The following DPAGT1 variants were observed in gnomAD, a reference collection of about 807,000 sequenced individuals.
DPAGT1 encodes the protein UDP-N-acetylglucosamine--dolichyl-phosphate N-acetylglucosaminephosphotransferase.
In DPAGT1, 25 loss-of-function variants were observed where a neutral mutation model predicts 39.3. The observed-to-expected ratio is 0.64, with a 90% CI of 0.46 to 0.89. The LOEUF (loss-of-function observed/expected upper bound fraction) is 0.89. DPAGT1 is among the 40% of genes least tolerant of loss of function. The pLI is 0.00. For synonymous variants in DPAGT1, 193 were observed against 201.4 expected (o/e 0.96, Z 0.36); for missense variants, 381 against 500.6 (o/e 0.76, Z 2.28).
At position 119,097,615 on chromosome 11, in the gene DPAGT1, TA is replaced by T. The variant is rs1346793915; in HGVS notation, c.918-65del. ...TTTGAACCCTCCTCCCTGTGGCTAA[TA>T]GGAAGAGCATTGAATGTGGAGTCAA... On this transcript the variant is annotated intron_variant, in intron 6 of 8. Coordinates refer to ENST00000354202, the MANE Select transcript of DPAGT1 (RefSeq NM_001382.4). The surrounding 1 kb of genome is among the most constrained non-coding windows in gnomAD (Gnocchi z 4.6). 3.2e-6 allele frequency: 5 copies of T among 1,577,006 alleles called. No individual in the cohort carries two copies. Among genetic ancestry groups the T allele is most frequent in the Non-Finnish European group, 4.4e-6 (5 of 1,146,732 alleles).
intron 3 of DPAGT1, 107 bp downstream of exon 3, chr11:119,100,523 T>A (rs1260292266): frequency 6.3e-7 from 1 of 1,599,360 alleles, no homozygotes; most frequent in Non-Finnish European, 8.6e-7. Context: ...AGAAAGGATC[T>A]GGGAAGACAC....
At chr11:119,095,236 C>T (rs375920693), downstream of DPAGT1, 106 of 1,613,732 alleles carry the variant, frequency 6.6e-5, no homozygotes, top group Non-Finnish European at 8.5e-5. Context: ...CCAGCACTGC[C>T]GCCAGGTACA....
At chr11:119,095,220 G>C, downstream of DPAGT1, 2 of 1,613,970 alleles carry the variant, frequency 1.2e-6, no homozygotes, top group Non-Finnish European at 1.7e-6. Context: ...TCAGCGGTGA[G>C]GTACTCCAGC....
downstream of DPAGT1, among the ~76,000 whole-genome samples, chr11:119,095,949 TTTTC>T (rs781301397): frequency 2.2e-4 from 33 of 152,070 alleles, no homozygotes; most frequent in African/African-American, 6.8e-4. Context: ...CCCTTAAAAG[TTTTC>T]TTTTTTTTCT....
In DPAGT1 at chr11:119,097,561, G is replaced by T. The variant is rs764154648; in HGVS notation, c.918-10C>A. 1.2e-6 allele frequency: 2 copies of T among 1,614,104 alleles called. No homozygotes were observed. Among genetic ancestry groups the T allele is most frequent in the Non-Finnish European group, 8.5e-7 (1 of 1,179,982 alleles). On this transcript the variant is annotated splice_polypyrimidine_tract_variant and intron_variant, in intron 6 of 8. Coordinates refer to ENST00000354202, the MANE Select transcript of DPAGT1 (RefSeq NM_001382.4). This position sits in a 1 kb window ranked among gnomAD's most constrained non-coding sequence, Gnocchi z 4.6. ...TGTCTTGATATTGAGTCTGCGGGGG[G>T]AAGATAGCTTCATGTGACTGGGCCA...
rs987583485 is a variant in DPAGT1 at position 119,097,661 on chromosome 11, T to C, written c.918-110A>G. On this transcript the variant is annotated intron_variant, in intron 6 of 8. Transcript: ENST00000354202. This position sits in a 1 kb window ranked among gnomAD's most constrained non-coding sequence, Gnocchi z 4.6. ...AGTCAACCTGAGATCTATTTCTGGCTCTGCTGCTTACTGTTATCAGAACCA... is the reference window on the plus strand; with the variant it reads ...AGTCAACCTGAGATCTATTTCTGGCCCTGCTGCTTACTGTTATCAGAACCA... 7 of 1,456,252 alleles carry C rather than the reference T, an allele frequency of 4.8e-6. No homozygotes were observed. The African/African-American group carries it at 9.8e-5, about 20-fold the overall frequency. 90.2% of individuals were successfully genotyped at this position (1,456,252 alleles called of 1,614,324 possible). A position where few individuals can be genotyped will look rare whatever the true frequency, so the allele number is the denominator to read the frequency against.
intron 4 of DPAGT1, 147 bp downstream of exon 4, chr11:119,100,115 G>A: frequency 7.8e-7 from 1 of 1,286,350 alleles, no homozygotes; most frequent in Non-Finnish European, 1.1e-6. Flanking sequence ...TAATAAATCT[G>A]CATTGTTATT....
intron 4 of DPAGT1, among the ~76,000 whole-genome samples, chr11:119,099,738 G>A (rs1464305522): frequency 7.2e-6 from 1 of 138,016 alleles, no homozygotes; most frequent in East Asian, 2.1e-4. Context: ...CTAAGATCGC[G>A]CCACTGCTCT....
At chr11:119,095,674 C>A (rs559985951), downstream of DPAGT1, among the ~76,000 whole-genome samples, 1 of 152,304 alleles carries the variant, frequency 6.6e-6, no homozygotes, top group Admixed American at 6.5e-5. Flanking sequence ...GGGTAGCACG[C>A]AGACTGCCAA....
chr11:119,097,002 A>C lies in DPAGT1; in HGVS notation c.1223T>G (p.Val408Gly), dbSNP rs1946405085. Residue 408 changes from valine (V) to glycine (G), a missense_variant, in exon 9 of 9, where the codon GTC becomes GGC. Transcript: ENST00000354202. The surrounding 1 kb of genome is among the most constrained non-coding windows in gnomAD (Gnocchi z 4.6). ...AAAGGACAATGATCAAGGGACTCAG[A>C]CATCATAGAAGAGTCGAACGAGCTG... ...RYQLVRLFYDV is the reference protein window; with the variant it reads ...RYQLVRLFYDG The C allele has an allele frequency of 6.2e-7, 1 of 1,614,196 alleles. No individual in the cohort carries two copies. Among genetic ancestry groups the C allele is most frequent in the Non-Finnish European group, 8.5e-7 (1 of 1,180,032 alleles).
Position 119,100,631 on chromosome 11 carries a change from C to T in DPAGT1, c.495G>A (p.Leu165=), listed in dbSNP as rs373632825. The T allele has an allele frequency of 3.6e-5, 58 of 1,613,884 alleles. No individual in the cohort carries two copies. Among genetic ancestry groups the T allele is most frequent in the Non-Finnish European group, 4.7e-5 (56 of 1,179,986 alleles). Residue 165 remains leucine, a splice_region_variant and synonymous_variant, in exon 3 of 9, where the codon TTG becomes TTA. Coordinates refer to ENST00000354202, the MANE Select transcript of DPAGT1 (RefSeq NM_001382.4). Reference sequence around the variant, plus strand: ...GGCAGCAGTGGTAGGACTACCTACCCAAGTCCAGATGCAGGCCAAGTATCG... The same window carrying T: ...GGCAGCAGTGGTAGGACTACCTACCTAAGTCCAGATGCAGGCCAAGTATCG... ...FRPILGLHLD[L]GILYYVYMGL...
Position 119,101,178 on chromosome 11 carries a change from G to A in DPAGT1, c.162-40C>T, listed in dbSNP as rs778143056. On this transcript the variant is annotated intron_variant, in intron 1 of 8. Transcript: ENST00000354202. ...CAAGGGGGCGAGGGGGAAGAGGAAA[G>A]GGGGCGTGGTCACTCACTAGTGCAG... The A allele has an allele frequency of 4.3e-6, 7 of 1,612,792 alleles. No individual in the cohort carries two copies. The African/African-American group carries it at 8.0e-5, about 18-fold the overall frequency.
downstream of DPAGT1, chr11:119,094,950 G>A (rs762861943): frequency 1.3e-6 from 2 of 1,586,116 alleles, no homozygotes; most frequent in Admixed American, 1.9e-5. Context: ...GGCCGGCCGC[G>A]GCGCGGGCCC....
chr11:119,100,184 C>A, intron 4 of DPAGT1, 78 bp downstream of exon 4: 1 of 1,607,224 alleles, frequency 6.2e-7, no homozygotes, highest in South Asian at 1.1e-5. Context: ...CTTTTTTCCC[C>A]TGAATTTCCC....
downstream of DPAGT1, chr11:119,095,281 G>T: frequency 6.2e-7 from 1 of 1,612,794 alleles, no homozygotes; most frequent in Non-Finnish European, 8.5e-7. Context: ...CGGCGTAGTG[G>T]CCCTTCCGCA....
downstream of DPAGT1, among the ~76,000 whole-genome samples, chr11:119,095,735 A>G (rs1208337252): frequency 6.6e-6 from 1 of 152,078 alleles, no homozygotes; most frequent in Non-Finnish European, 1.5e-5. Context: ...TTTAAACACT[A>G]CAATCGGAAA....
chr11:119,100,608 C>A (rs1946483282), intron 3 of DPAGT1, 22 bp downstream of exon 3: 1 of 1,613,676 alleles, frequency 6.2e-7, no homozygotes, highest in East Asian at 2.2e-5. Flanking sequence ...GCCATAGGGG[C>A]AGCAGTGGTA....
downstream of DPAGT1, chr11:119,095,301 G>A: frequency 6.2e-7 from 1 of 1,612,070 alleles, no homozygotes; most frequent in Non-Finnish European, 8.5e-7. Context: ...AGCAGCCGGT[G>A]TACACGGCCC....
chr11:119,099,016 G>A (rs893003629), intron 4 of DPAGT1, among the ~76,000 whole-genome samples: 4 of 152,202 alleles, frequency 2.6e-5, no homozygotes, highest in East Asian at 1.9e-4. Flanking sequence ...TGGGAACCAC[G>A]GAATGTCTCA....
Sources: allele counts gnomAD v4.1 joint callset (sites outside exome capture counted in the v4.1 genomes callset), GRCh38; gene constraint gnomAD v4.1.1; non-coding constraint Gnocchi (gnomAD v3.1); transcripts MANE v1.5; gene names NCBI Gene and HGNC (gene_info 2026-07-23, HGNC 2026-07-21).